Variants in CELSR1 observed in about 807,000 individuals in gnomAD.
The protein encoded by CELSR1 is adhesion G protein-coupled receptor C1.
Under a neutral mutation model 249.1 loss-of-function variants are expected in CELSR1, and 110 were observed. The observed-to-expected ratio is 0.44, with a 90% CI of 0.38 to 0.52. The LOEUF (loss-of-function observed/expected upper bound fraction) is 0.52. Among genes scored for constraint, CELSR1 ranks in the 20% least tolerant of loss-of-function variants. The pLI is 0.00. For synonymous variants in CELSR1, 2,113 were observed against 1,900.0 expected (o/e 1.11, Z -2.92); for missense variants, 4,109 against 4,296.4 (o/e 0.96, Z 1.22).
Position 46,500,558 on chromosome 22 carries a change from G to A in CELSR1, c.3544+33069C>T, listed in dbSNP as rs373361544. Among the ~76,000 whole-genome samples the A allele has an allele frequency of 1.1e-4, 17 of 152,170 alleles. No individual in the cohort carries two copies. Among genetic ancestry groups the A allele is most frequent in the South Asian group, 1.0e-3 (5 of 4,818 alleles). On this transcript the variant is annotated intron_variant, in intron 1 of 34. Coordinates refer to ENST00000674500, the MANE Select transcript of CELSR1 (RefSeq NM_001378328.1). This position sits in a 1 kb window ranked among gnomAD's most constrained non-coding sequence, Gnocchi z 4.9. ...AGCTCTGGGAGCTTCCAAAGGGGGC[G>A]TCAATGACACCCATAACTTGTCACA... is the stretch of plus-strand genomic sequence containing the variant.
In CELSR1 at chr22:46,535,912, G is replaced by A. The variant is rs1323791081; in HGVS notation, c.1259C>T (p.Ala420Val). The part of the protein sequence containing the change: ...STRAVLDREE[A>V]AEYQLLVEAN... Reference sequence around the variant, plus strand: ...CTCCACCAGGAGCTGGTACTCGGCCGCCTCCTCCCGGTCCAGCACCGCCCG... The same window carrying A: ...CTCCACCAGGAGCTGGTACTCGGCCACCTCCTCCCGGTCCAGCACCGCCCG... The change falls in exon 1 of 35, where the codon GCG becomes GTG. Residue 420 changes from alanine to valine, a missense_variant. Ala to Val is a moderately conservative substitution (Grantham distance 64, BLOSUM62 0). Around this residue, in one of 7 missense-constraint regions of CELSR1, gnomAD observed 673 missense variants for 636.8 expected, o/e 1.06. Coordinates refer to ENST00000674500, the MANE Select transcript of CELSR1 (RefSeq NM_001378328.1). The A allele has an allele frequency of 1.9e-6, 3 of 1,608,496 alleles. No homozygotes were observed. In the Admixed American group the frequency reaches 5.0e-5, roughly 27 times the overall value.
rs2079281961 is a variant in CELSR1, at chr22:46,407,700, T to C, written c.5226+1296A>G. On this transcript the variant is annotated intron_variant, in intron 9 of 34. Transcript: ENST00000674500. This position sits in a 1 kb window ranked among gnomAD's most constrained non-coding sequence, Gnocchi z 4.8. The stretch of plus-strand genomic sequence containing the variant: ...GGAAGGAATAACTCAGTTATGAATC[T>C]GTCAAATCAAGACAGAGCGCCCTGC... Among the ~76,000 whole-genome samples, 1 of 152,154 alleles carries C rather than the reference T, an allele frequency of 6.6e-6. No homozygotes were observed. Among genetic ancestry groups the C allele is most frequent in the Admixed American group, 6.5e-5 (1 of 15,278 alleles).
chr22:46,372,248 C>T (rs1192932156), intron 25 of CELSR1, among the ~76,000 whole-genome samples: 1 of 149,382 alleles, frequency 6.7e-6, no homozygotes, highest in Non-Finnish European at 1.5e-5. Context: ...ACTCACTCAC[C>T]CCTCCACCCA....
intron 2 of CELSR1, among the ~76,000 whole-genome samples, chr22:46,463,244 G>A (rs1426402446): frequency 3.3e-5 from 5 of 152,188 alleles, no homozygotes; most frequent in African/African-American, 4.8e-5. Flanking sequence ...GGCCGGACAC[G>A]GTGGCTCACG....
chr22:46,439,229 G>A lies in CELSR1; in HGVS notation c.4366C>T (p.Arg1456Trp), dbSNP rs150197128. ...SFPPQSFVTF[R>W]GLRQRFHFTI... ...AAGTGGAAGCGCTGTCTCAGGCCCCGGAAGGTGACGAAGGACTGGGGCGGG... is the reference window on the plus strand; with the variant it reads ...AAGTGGAAGCGCTGTCTCAGGCCCCAGAAGGTGACGAAGGACTGGGGCGGG... Residue 1456 changes from arginine (R) to tryptophan (W), a missense_variant, in exon 3 of 35, where the codon CGG becomes TGG. Physicochemically the swap from Arg to Trp is moderately radical, Grantham distance 101. Around this residue, in one of 7 missense-constraint regions of CELSR1, gnomAD observed 453 missense variants for 492.0 expected, o/e 0.92. Transcript: ENST00000674500. 413 of 1,613,972 alleles carry A rather than the reference G, an allele frequency of 2.6e-4. No homozygotes were observed. Among genetic ancestry groups the A allele is most frequent in the Non-Finnish European group, 3.2e-4 (383 of 1,179,956 alleles).
At chr22:46,486,621 T>C (rs998797447) in intron 1 of CELSR1, among the ~76,000 whole-genome samples, 10 of 151,174 alleles carry the variant, frequency 6.6e-5, no homozygotes, top group Non-Finnish European at 2.9e-5. Flanking sequence ...GGCAGGAGGA[T>C]CACCTGAGGT....
intron 2 of CELSR1, among the ~76,000 whole-genome samples, chr22:46,455,560 C>G (rs77488204): frequency 0.011 from 1,667 of 152,274 alleles, 31 homozygotes; most frequent in African/African-American, 0.038. Flanking sequence ...CTCGCCCACC[C>G]AAAGTGCTGG....
intron 23 of CELSR1, 178 bp from the exon 24 acceptor site, chr22:46,377,439 G>C: frequency 1.5e-6 from 1 of 679,452 alleles, no homozygotes; most frequent in Non-Finnish European, 2.5e-6. Context: ...CCCTCCTGAG[G>C]CTCCTTCAAT....
At position 46,434,441 on chromosome 22, in the gene CELSR1, C is replaced by T. The variant is rs1253072123; in HGVS notation, c.4523-960G>A. 3.3e-5 allele frequency among the ~76,000 whole-genome samples: 5 copies of T among 152,204 alleles called. No individual in the cohort carries two copies. Among genetic ancestry groups the T allele is most frequent in the South Asian group, 2.1e-4 (1 of 4,832 alleles). The stretch of plus-strand genomic sequence containing the variant: ...AGGGAACCAGCAGGAGTTCTGGAAA[C>T]GGGTGTGGGAGACACTGGCCAGGGG... On this transcript the variant is annotated intron_variant, in intron 4 of 34. Coordinates refer to ENST00000674500, the MANE Select transcript of CELSR1 (RefSeq NM_001378328.1). This position sits in a 1 kb window ranked among gnomAD's most constrained non-coding sequence, Gnocchi z 4.9.
At chr22:46,365,737 G>A (rs745344713) in intron 30 of CELSR1, 48 bp from the exon 31 acceptor site, 3 of 1,456,606 alleles carry the variant, frequency 2.1e-6, no homozygotes, top group Admixed American at 4.0e-5. Context: ...TCAGGGAACA[G>A]GAGGTGCTGG....
At position 46,448,774 on chromosome 22, in the gene CELSR1, A is replaced by T. The variant is rs930310112; in HGVS notation, c.4184-9363T>A. Among the ~76,000 whole-genome samples the T allele has an allele frequency of 3.3e-4, 51 of 152,290 alleles. No individual in the cohort carries two copies. Among genetic ancestry groups the T allele is most frequent in the African/African-American group, 1.2e-3 (50 of 41,552 alleles). On this transcript the variant is annotated intron_variant, in intron 2 of 34. Transcript: ENST00000674500. The surrounding 1 kb of genome is among the most constrained non-coding windows in gnomAD (Gnocchi z 5.7). ...TATCACGCAAATGCACAAAACCTGAAGTCAACTCAAAGCCCCATCAAAGAG... is the reference window on the plus strand; with the variant it reads ...TATCACGCAAATGCACAAAACCTGATGTCAACTCAAAGCCCCATCAAAGAG...
rs1431604528 is a variant in CELSR1 at position 46,393,075 on chromosome 22, C to T, written c.5964+1067G>A. 1.3e-5 allele frequency among the ~76,000 whole-genome samples: 2 copies of T among 152,140 alleles called. No individual in the cohort carries two copies. The highest frequency in any genetic ancestry group is 4.8e-5 in the African/African-American group (2 of 41,442). On this transcript the variant is annotated intron_variant, in intron 14 of 34. Coordinates refer to ENST00000674500, the MANE Select transcript of CELSR1 (RefSeq NM_001378328.1). This position sits in a 1 kb window ranked among gnomAD's most constrained non-coding sequence, Gnocchi z 4.1. The stretch of plus-strand genomic sequence containing the variant: ...CTGGGGGGGGACACTACTGACATCA[C>T]GAGATGGCATCCAAGGGTGCCCTGG...
intron 1 of CELSR1, among the ~76,000 whole-genome samples, chr22:46,531,166 C>A (rs1602247722): frequency 6.6e-6 from 1 of 151,932 alleles, no homozygotes; most frequent in East Asian, 1.9e-4. Context: ...GTCGAATGGT[C>A]TGAGATTTCT....
intron 9 of CELSR1, among the ~76,000 whole-genome samples, chr22:46,400,394 T>G (rs1374903003): frequency 3.3e-5 from 5 of 151,196 alleles, no homozygotes; most frequent in African/African-American, 1.2e-4. Context: ...TCCCAGCACG[T>G]TGGGAGGCCA....
At position 46,415,036 on chromosome 22, in the gene CELSR1, G is replaced by A. The variant is rs551149033; in HGVS notation, c.4612-3277C>T. Among the ~76,000 whole-genome samples, 77 of 152,276 alleles carry A rather than the reference G, an allele frequency of 5.1e-4. 1 individual carries two copies. In the South Asian group the frequency reaches 8.5e-3, roughly 17 times the overall value. On this transcript the variant is annotated intron_variant, in intron 5 of 34. Coordinates refer to ENST00000674500, the MANE Select transcript of CELSR1 (RefSeq NM_001378328.1). ...CCAGACACGAAAGGCCATGCACCGC[G>A]TGACTCCATTCCTACACAATGTCCA...
Position 46,468,472 on chromosome 22 carries a change from T to C in CELSR1, c.3545-4127A>G, listed in dbSNP as rs993607851. On this transcript the variant is annotated intron_variant, in intron 1 of 34. Transcript: ENST00000674500. This position sits in a 1 kb window ranked among gnomAD's most constrained non-coding sequence, Gnocchi z 4.5. ...GGAAATTCTGACACACGCTACAACA[T>C]GGATGTACCTTGAGGACGTGATGCT... Among the ~76,000 whole-genome samples the C allele has an allele frequency of 6.6e-6, 1 of 151,918 alleles. No individual in the cohort carries two copies. Among genetic ancestry groups the C allele is most frequent in the Admixed American group, 6.6e-5 (1 of 15,232 alleles).
At position 46,365,319 on chromosome 22, in the gene CELSR1, G is replaced by A. The variant is rs968671335; in HGVS notation, c.8466C>T (p.Ser2822=). 1 of 1,612,978 alleles carries A rather than the reference G, an allele frequency of 6.2e-7. No homozygotes were observed. Among genetic ancestry groups the A allele is most frequent in the Non-Finnish European group, 8.5e-7 (1 of 1,179,970 alleles). ...CGTCCTCGCTGTCTGACGAGTGTGA[G>A]GAGGCGTAAGAGCTGCTCTGCTCAT... The part of the protein sequence containing the change: ...SLDEQSSSYA[S]SHSSDSEDDG... The change falls in exon 32 of 35, where the codon TCC becomes TCT. Residue 2822 remains serine, a synonymous_variant. Transcript: ENST00000674500.
chr22:46,420,243 C>T (rs964672067), intron 5 of CELSR1, among the ~76,000 whole-genome samples: 1 of 152,064 alleles, frequency 6.6e-6, no homozygotes, highest in Non-Finnish European at 1.5e-5. Context: ...CATATGCTCA[C>T]CCACACTCAA....
At chr22:46,528,029 G>A (rs544604653) in intron 1 of CELSR1, among the ~76,000 whole-genome samples, 9 of 151,526 alleles carry the variant, frequency 5.9e-5, no homozygotes, top group East Asian at 5.9e-4. Context: ...ACTTGAACCC[G>A]GGAGGCAGAG....
Sources: gnomAD v4.1 joint callset for allele counts (sites outside exome capture counted in the v4.1 genomes callset) on GRCh38, gnomAD v4.1.1 for gene constraint, gnomAD v4.1.1 regional missense constraint, Gnocchi (gnomAD v3.1) non-coding constraint, MANE v1.5 for transcripts, NCBI Gene and HGNC (gene_info 2026-07-23, HGNC 2026-07-21) for gene names.